SLC35F4: variants seen among roughly 807,000 people sequenced by gnomAD.
The protein encoded by SLC35F4 is chromosome 14 open reading frame 36.
Under a neutral mutation model 44.2 loss-of-function variants are expected in SLC35F4, and 24 were observed. That is an observed-to-expected ratio of 0.54 (90% CI 0.39 to 0.76). The LOEUF (loss-of-function observed/expected upper bound fraction) is 0.76, where lower values mean the gene tolerates loss of function less well. SLC35F4 is among the 30% of genes least tolerant of loss of function. The pLI is 0.00. For synonymous variants in SLC35F4, 238 were observed against 223.6 expected (o/e 1.06, Z -0.57); for missense variants, 562 against 586.1 (o/e 0.96, Z 0.42).
chr14:57,963,240 G>C (rs1246174239), intron 1 of SLC35F4, among the ~76,000 whole-genome samples: 1 of 152,192 alleles, frequency 6.6e-6, no homozygotes, highest in African/African-American at 2.4e-5. Flanking sequence ...TGCTGGACAA[G>C]GGAGCCAGTC....
At chr14:57,853,639 C>T (rs1886792693) in intron 1 of SLC35F4, among the ~76,000 whole-genome samples, 1 of 152,324 alleles carries the variant, frequency 6.6e-6, no homozygotes, top group South Asian at 2.1e-4. Context: ...TCTGTCTGCT[C>T]TCTTGAATAG....
intron 1 of SLC35F4, among the ~76,000 whole-genome samples, chr14:57,767,272 C>T (rs1464561286): frequency 1.3e-5 from 2 of 152,148 alleles, no homozygotes; most frequent in Admixed American, 6.5e-5. Flanking sequence ...CAGTCAATAA[C>T]AGCAGATTTC....
intron 1 of SLC35F4, among the ~76,000 whole-genome samples, chr14:57,607,714 G>A (rs758495570): frequency 1.4e-4 from 21 of 152,210 alleles, no homozygotes; most frequent in Non-Finnish European, 1.6e-4. Context: ...ACTGTGTAAC[G>A]TGGAGAACGG....
chr14:57,970,174 A>C lies in SLC35F4; in HGVS notation n.282+11739T>G, dbSNP rs41450450. Among the ~76,000 whole-genome samples, 4 of 152,362 alleles carry C rather than the reference A, an allele frequency of 2.6e-5. No individual in the cohort carries two copies. The South Asian group carries it at 8.3e-4, about 32-fold the overall frequency. On this transcript the variant is annotated intron_variant and non_coding_transcript_variant, in intron 1 of 1. Transcript: ENST00000556568. ...GTATATAGTTCCTGACTTATCAACT[A>C]GCATGAAATTTAACCAATTAGCTTT...
intron 1 of SLC35F4, among the ~76,000 whole-genome samples, chr14:57,780,433 G>T (rs574657612): frequency 6.6e-6 from 1 of 151,590 alleles, no homozygotes; most frequent in Non-Finnish European, 1.5e-5. Context: ...AAAAAAAATC[G>T]GAGATGACAC....
chr14:57,844,679 C>T (rs1405242154), intron 1 of SLC35F4, among the ~76,000 whole-genome samples: 3 of 152,278 alleles, frequency 2.0e-5, no homozygotes, highest in East Asian at 3.9e-4. Context: ...GAGAATTCTT[C>T]TCAACAGGAA....
intron 1 of SLC35F4, among the ~76,000 whole-genome samples, chr14:57,739,041 T>TTG (rs138136535): frequency 0.03 from 4,574 of 151,776 alleles, 71 homozygotes; most frequent in East Asian, 0.043. Context: ...TGGCCAGGCT[T>TTG]TGTGTGTGTG....
intron 4 of SLC35F4, chr14:57,578,626 C>G (rs897725426): frequency 6.6e-6 from 1 of 152,014 alleles, no homozygotes; most frequent in Non-Finnish European, 1.5e-5. Flanking sequence ...ACCATTCTTC[C>G]GGAACATCGC....
In SLC35F4 at chr14:57,617,044, C is replaced by T. The variant is rs142823854; in HGVS notation, c.104-22920G>A. Among the ~76,000 whole-genome samples, 85 of 151,374 alleles carry T rather than the reference C, an allele frequency of 5.6e-4. No homozygotes were observed. The East Asian group carries it at 0.013, about 23-fold the overall frequency. On this transcript the variant is annotated intron_variant, in intron 1 of 7. Transcript: ENST00000556826. ...GTCAGATAACTTGAGCCTTAGCTTT[C>T]GGATGATGATTTATAGATTAGACTC...
At chr14:57,655,343 G>A (rs966583501) in intron 1 of SLC35F4, among the ~76,000 whole-genome samples, 4 of 152,138 alleles carry the variant, frequency 2.6e-5, no homozygotes, top group African/African-American at 9.7e-5. Context: ...ACAAGATAGT[G>A]TCTGTTCCCA....
intron 1 of SLC35F4, among the ~76,000 whole-genome samples, chr14:57,623,790 C>G (rs2072327475): frequency 6.6e-6 from 1 of 152,188 alleles, no homozygotes; most frequent in South Asian, 2.1e-4. Flanking sequence ...CTCTGGGACA[C>G]ACATAAAGCT....
intron 1 of SLC35F4, among the ~76,000 whole-genome samples, chr14:57,836,856 A>T (rs2140949974): frequency 6.6e-6 from 1 of 152,336 alleles, no homozygotes; most frequent in Non-Finnish European, 1.5e-5. Context: ...AAGGATAATG[A>T]CTATAACGCC....
intron 1 of SLC35F4, among the ~76,000 whole-genome samples, chr14:57,817,098 A>C (rs1882685825): frequency 6.6e-6 from 1 of 152,132 alleles, no homozygotes; most frequent in African/African-American, 2.4e-5. Context: ...CAAAAGGCTC[A>C]CCTCTAGTAG....
At chr14:57,696,057 T>C (rs144947728) in intron 1 of SLC35F4, among the ~76,000 whole-genome samples, 4,473 of 152,124 alleles carry the variant, frequency 0.029, 215 homozygotes, top group African/African-American at 0.1. Flanking sequence ...CCAAAAGCAA[T>C]GGCAACAAAA....
chr14:57,899,928 G>A (rs1306804356), intron 1 of SLC35F4, among the ~76,000 whole-genome samples: 1 of 152,130 alleles, frequency 6.6e-6, no homozygotes, highest in East Asian at 1.9e-4. Flanking sequence ...TCCACAGAGT[G>A]GAAGGGGACC....
chr14:57,593,768 G>A lies in SLC35F4; in HGVS notation c.289+171C>T, dbSNP rs192803223. ...TCTGCCATACTATACACCACTAATA[G>A]ATTGTATCTATATATTTCCCTGCTT... On this transcript the variant is annotated intron_variant, in intron 2 of 7. Coordinates refer to ENST00000556826, the MANE Select transcript of SLC35F4 (RefSeq NM_001306087.2). Among the ~76,000 whole-genome samples, 5 of 152,268 alleles carry A rather than the reference G, an allele frequency of 3.3e-5. No homozygotes were observed. The East Asian group carries it at 9.7e-4, about 29-fold the overall frequency.
At chr14:57,671,792 G>A (rs1414647848) in intron 1 of SLC35F4, among the ~76,000 whole-genome samples, 1 of 152,078 alleles carries the variant, frequency 6.6e-6, no homozygotes, top group Admixed American at 6.5e-5. Flanking sequence ...TATGATGGAT[G>A]AGCACGGAAG....
chr14:57,582,750 C>T (rs575723766), intron 3 of SLC35F4, among the ~76,000 whole-genome samples: 9 of 152,252 alleles, frequency 5.9e-5, no homozygotes, highest in South Asian at 4.1e-4. Context: ...GACTCTAGTA[C>T]TAGTTTCTTT....
chr14:57,606,164 A>C (rs1429412689), intron 1 of SLC35F4, among the ~76,000 whole-genome samples: 1 of 152,204 alleles, frequency 6.6e-6, no homozygotes, highest in Non-Finnish European at 1.5e-5. Context: ...ACAAAACTAA[A>C]AGTGCTTTTT....
Sources: gnomAD v4.1 joint callset for allele counts (sites outside exome capture counted in the v4.1 genomes callset) on GRCh38, gnomAD v4.1.1 for gene constraint, MANE v1.5 for transcripts, NCBI Gene and HGNC (gene_info 2026-07-23, HGNC 2026-07-21) for gene names.